The following MIPOL1 variants were observed in gnomAD, a reference collection of about 807,000 sequenced individuals.
MIPOL1 encodes the protein mirror-image polydactyly 1.
A neutral mutation model predicts 60.9 loss-of-function variants in MIPOL1; 57 were observed. The observed-to-expected ratio is 0.94, with a 90% CI of 0.76 to 1.17. The LOEUF is 1.17. MIPOL1 is among the 50% of genes most tolerant of loss of function. The pLI, the probability that MIPOL1 is intolerant of heterozygous loss-of-function variation, is 0.00. For missense variants in MIPOL1, 551 were observed against 511.6 expected (o/e 1.08, Z -0.74); for synonymous variants, 179 against 168.8 (o/e 1.06, Z -0.47).
chr14:37,545,657 G>T (rs1263214443), intron 12 of MIPOL1: 7 of 641,440 alleles, frequency 1.1e-5, no homozygotes, highest in African/African-American at 3.7e-5. Flanking sequence ...CCTGTTTTTT[G>T]TTAACAGAAT....
intron 9 of MIPOL1, among the ~76,000 whole-genome samples, chr14:37,359,906 A>G (rs2092120777): frequency 6.6e-6 from 1 of 152,198 alleles, no homozygotes; most frequent in African/African-American, 2.4e-5. Flanking sequence ...CCGGTTTTCA[A>G]AGGGAATGCT....
At chr14:37,273,345 T>TA (rs1009553033) in intron 6 of MIPOL1, among the ~76,000 whole-genome samples, 28 of 149,470 alleles carry the variant, frequency 1.9e-4, no homozygotes, top group African/African-American at 2.4e-4. Flanking sequence ...GATTTAGTGT[T>TA]AAAAAAAAAC....
At chr14:37,417,402 A>G (rs1029276444) in intron 10 of MIPOL1, among the ~76,000 whole-genome samples, 1 of 152,184 alleles carries the variant, frequency 6.6e-6, no homozygotes, top group East Asian at 1.9e-4. Context: ...GGTCTGATAA[A>G]CAGAGAGACA....
At chr14:37,422,712 G>A in intron 10 of MIPOL1, 143 bp from the exon 11 acceptor site, 1 of 561,104 alleles carries the variant, frequency 1.8e-6, no homozygotes, top group South Asian at 2.6e-5. Flanking sequence ...CTATTTTCTG[G>A]TAACTTATGA....
chr14:37,448,454 T>C (rs1251193250), intron 11 of MIPOL1, among the ~76,000 whole-genome samples: 1 of 152,266 alleles, frequency 6.6e-6, no homozygotes, highest in African/African-American at 2.4e-5. Flanking sequence ...TCATTGATGT[T>C]GTTTTAAATA....
chr14:37,462,335 C>T (rs546462778), intron 11 of MIPOL1, among the ~76,000 whole-genome samples: 8 of 152,120 alleles, frequency 5.3e-5, no homozygotes, highest in East Asian at 1.9e-4. Flanking sequence ...GCACACAGCA[C>T]GGGGACCCTG....
intron 11 of MIPOL1, among the ~76,000 whole-genome samples, chr14:37,457,385 G>C (rs1171708039): frequency 2.0e-5 from 3 of 152,188 alleles, no homozygotes; most frequent in African/African-American, 7.2e-5. Flanking sequence ...GCTTCAACCA[G>C]ACTCAAAAGT....
intron 1 of MIPOL1, among the ~76,000 whole-genome samples, chr14:37,209,066 C>T (rs1966539520): frequency 6.6e-6 from 1 of 152,040 alleles, no homozygotes; most frequent in African/African-American, 2.4e-5. Context: ...AAACTGTAAA[C>T]TTTATCTACA....
intron 9 of MIPOL1, among the ~76,000 whole-genome samples, chr14:37,317,097 A>G (rs1262497407): frequency 1.3e-5 from 2 of 152,214 alleles, no homozygotes; most frequent in Non-Finnish European, 2.9e-5. Context: ...TGTTAGGAAC[A>G]GGGAAACTAC....
intron 3 of MIPOL1, among the ~76,000 whole-genome samples, chr14:37,262,555 C>T (rs1291753998): frequency 1.3e-5 from 2 of 152,076 alleles, no homozygotes; most frequent in Non-Finnish European, 2.9e-5. Flanking sequence ...TCTCACCCCC[C>T]AAAAGACAGA....
intron 11 of MIPOL1, chr14:37,434,489 G>A (rs973872277): frequency 2.6e-5 from 4 of 151,718 alleles, no homozygotes; most frequent in Non-Finnish European, 2.9e-5. Context: ...AATGCTTCAC[G>A]AATTTGTCTG....
At chr14:37,345,003 G>A (rs2090841779) in intron 9 of MIPOL1, among the ~76,000 whole-genome samples, 1 of 121,268 alleles carries the variant, frequency 8.2e-6, no homozygotes, top group Admixed American at 9.5e-5. Flanking sequence ...GGTGATAGAG[G>A]GAGACTCTTA....
intron 11 of MIPOL1, among the ~76,000 whole-genome samples, chr14:37,482,985 C>T (rs188082498): frequency 1.3e-5 from 2 of 152,188 alleles, no homozygotes; most frequent in East Asian, 3.9e-4. Flanking sequence ...GCACATCCTC[C>T]TATATACCTT....
At chr14:37,395,519 A>G (rs1187438828) in intron 10 of MIPOL1, among the ~76,000 whole-genome samples, 3 of 152,036 alleles carry the variant, frequency 2.0e-5, no homozygotes, top group Admixed American at 6.6e-5. Context: ...TTTTGCAGCT[A>G]TTGTAAAAGG....
At chr14:37,200,291 C>T (rs1235346001) in intron 1 of MIPOL1, among the ~76,000 whole-genome samples, 2 of 152,124 alleles carry the variant, frequency 1.3e-5, no homozygotes, top group African/African-American at 4.8e-5. Context: ...TTGTTCCCAA[C>T]CCTTTAAATA....
chr14:37,421,948 G>T (rs774777059), intron 10 of MIPOL1, among the ~76,000 whole-genome samples: 1 of 151,842 alleles, frequency 6.6e-6, no homozygotes, highest in African/African-American at 2.4e-5. Context: ...TACTTTGTGA[G>T]GTTTGTGACA....
chr14:37,490,205 G>C (rs1956432), intron 11 of MIPOL1, among the ~76,000 whole-genome samples: 12,410 of 152,202 alleles, frequency 0.082, 1,723 homozygotes, highest in African/African-American at 0.28. Context: ...CTGAGCTGCA[G>C]TGGGCTCCAC....
At chr14:37,489,155 C>T (rs992056852) in intron 11 of MIPOL1, among the ~76,000 whole-genome samples, 2 of 152,044 alleles carry the variant, frequency 1.3e-5, no homozygotes, top group Non-Finnish European at 2.9e-5. Flanking sequence ...TTTGTTTGTT[C>T]CTTTTCATTC....
chr14:37,467,438 T>A (rs2094612852), intron 11 of MIPOL1, among the ~76,000 whole-genome samples: 1 of 152,224 alleles, frequency 6.6e-6, no homozygotes. Flanking sequence ...AAATATCATT[T>A]TTTATAACTC....
Sources: allele counts gnomAD v4.1 joint callset (sites outside exome capture counted in the v4.1 genomes callset), GRCh38; gene constraint gnomAD v4.1.1; transcripts MANE v1.5; gene names NCBI Gene and HGNC (gene_info 2026-07-23, HGNC 2026-07-21).